Variants in COL11A1 observed in about 807,000 individuals in gnomAD.
COL11A1 encodes the protein collagen alpha-1(XI) chain.
In COL11A1, 74 loss-of-function variants were observed where a neutral mutation model predicts 265.2. The ratio of observed to expected loss-of-function variants is 0.28; its 90% CI spans 0.23 to 0.34. The LOEUF (loss-of-function observed/expected upper bound fraction) is 0.34, where lower values mean the gene tolerates loss of function less well. COL11A1 is among the 10% of genes least tolerant of loss of function. COL11A1 has a pLI of 1.00. For synonymous variants in COL11A1, 816 were observed against 727.6 expected, an observed-to-expected ratio of 1.12 and a Z score of -1.96; for missense variants, 2,165 against 2,263.6, an observed-to-expected ratio of 0.96 and a Z score of 0.88.
intron 41 of COL11A1, among the ~76,000 whole-genome samples, chr1:102,952,686 C>T (rs1207226422): frequency 1.3e-5 from 2 of 152,104 alleles, no homozygotes; most frequent in African/African-American, 2.4e-5. Context: ...ACTCTCAAAG[C>T]CTAGATGTTT....
chr1:102,898,587 CAT>C (rs1441673453), intron 56 of COL11A1, 77 bp downstream of exon 56: 5 of 1,047,610 alleles, frequency 4.8e-6, no homozygotes, highest in Middle Eastern at 2.9e-4. Context: ...ATAATGCTAA[CAT>C]AGACACCTTC....
chr1:102,897,440 A>G (rs963919080), intron 57 of COL11A1, among the ~76,000 whole-genome samples: 1 of 151,080 alleles, frequency 6.6e-6, no homozygotes, highest in Admixed American at 6.6e-5. Context: ...CATAAGAAAA[A>G]AAAATATATA....
In COL11A1 at chr1:102,898,107, T is replaced by C; in HGVS notation, c.4302+18A>G. On this transcript the variant is annotated intron_variant, in intron 57 of 66. Transcript: ENST00000370096. ...TAGAAATTCTCACTTTTTAAATGAC[T>C]GAAAAGATCTTACTCACCATAGGAC... The C allele has an allele frequency of 6.5e-7, 1 of 1,538,660 alleles. No individual in the cohort carries two copies. The highest frequency in any genetic ancestry group is 1.2e-5 in the South Asian group (1 of 83,054).
At chr1:103,049,418 C>A (rs1459649154) in intron 4 of COL11A1, among the ~76,000 whole-genome samples, 1 of 152,172 alleles carries the variant, frequency 6.6e-6, no homozygotes, top group Non-Finnish European at 1.5e-5. Flanking sequence ...ACTAGCATTG[C>A]AACCCCTGCC....
intron 4 of COL11A1, among the ~76,000 whole-genome samples, chr1:103,071,429 G>GA (rs71094602): frequency 2.3e-4 from 27 of 116,112 alleles, no homozygotes; most frequent in Non-Finnish European, 3.2e-4. Context: ...TATTTAGCAG[G>GA]AAAAAAAAAT....
chr1:103,024,918 G>A (rs1390643632), intron 7 of COL11A1, among the ~76,000 whole-genome samples: 1 of 152,000 alleles, frequency 6.6e-6, no homozygotes, highest in East Asian at 1.9e-4. Flanking sequence ...GAATGCATGT[G>A]AAATATGAAT....
chr1:102,967,017 T>C (rs1661459299), intron 37 of COL11A1, among the ~76,000 whole-genome samples: 1 of 152,076 alleles, frequency 6.6e-6, no homozygotes, highest in South Asian at 2.1e-4. Context: ...AGACTTTTCT[T>C]CAGTGCCCAT....
At chr1:102,936,392 G>A (rs143271817) in intron 44 of COL11A1, among the ~76,000 whole-genome samples, 4,503 of 152,148 alleles carry the variant, frequency 0.03, 100 homozygotes, top group Middle Eastern at 0.082. Context: ...AATAATAAAT[G>A]TGATTATAAA....
intron 47 of COL11A1, 126 bp downstream of exon 47, chr1:102,923,210 A>T: frequency 1.3e-6 from 1 of 751,786 alleles, no homozygotes; most frequent in Non-Finnish European, 2.2e-6. Flanking sequence ...TAACTAAATC[A>T]TGTCAGTTGC....
At chr1:102,952,147 G>A (rs969243173) in intron 41 of COL11A1, among the ~76,000 whole-genome samples, 2 of 152,036 alleles carry the variant, frequency 1.3e-5, no homozygotes, top group Admixed American at 6.6e-5. Context: ...TCACCAGGCT[G>A]AAGTGCAGTG....
intron 41 of COL11A1, among the ~76,000 whole-genome samples, chr1:102,950,914 G>C (rs2061709): frequency 0.94 from 142,447 of 152,158 alleles, 66,988 homozygotes; most frequent in East Asian, 1. Flanking sequence ...AGTTCTTATG[G>C]GATCTGATGG....
chr1:102,881,905 G>T, intron 64 of COL11A1, 140 bp from the exon 65 acceptor site: 2 of 681,690 alleles, frequency 2.9e-6, no homozygotes, highest in Non-Finnish European at 5.0e-6. Context: ...ACACAAATTA[G>T]ATTATACAAA....
At chr1:103,086,111 C>A (rs1000651882) in intron 1 of COL11A1, among the ~76,000 whole-genome samples, 8 of 152,264 alleles carry the variant, frequency 5.3e-5, no homozygotes, top group Non-Finnish European at 1.2e-4. Context: ...CTAATTGATT[C>A]CTGATGTTCA....
intron 35 of COL11A1, among the ~76,000 whole-genome samples, chr1:102,975,603 A>G (rs1259136117): frequency 2.0e-5 from 3 of 152,164 alleles, no homozygotes; most frequent in Non-Finnish European, 4.4e-5. Flanking sequence ...AAAAGTGCAT[A>G]AAGTCCCATT....
At chr1:103,018,922 G>GT in intron 9 of COL11A1, 63 bp from the exon 10 acceptor site, 3 of 1,232,286 alleles carry the variant, frequency 2.4e-6, no homozygotes, top group Non-Finnish European at 3.6e-6. Context: ...TTAATTACAT[G>GT]AATATAAGAG....
Position 103,008,521 on chromosome 1 carries a change from A to G in COL11A1, c.1630-5T>C. The stretch of plus-strand genomic sequence containing the variant: ...CCCAGATGAACCAGGCCCCCCCTAT[A>G]GAGAAAAAGTGAAGATATTTCACTT... On this transcript the variant is annotated splice_region_variant and splice_polypyrimidine_tract_variant and intron_variant, in intron 14 of 66. Transcript: ENST00000370096. 6.2e-7 allele frequency: 1 copy of G among 1,613,404 alleles called. No individual in the cohort carries two copies. The highest frequency in any genetic ancestry group is 1.1e-5 in the South Asian group (1 of 91,042).
intron 64 of COL11A1, 35 bp downstream of exon 64, chr1:102,883,164 G>C: frequency 7.3e-7 from 1 of 1,373,398 alleles, no homozygotes. Flanking sequence ...GGCAGGAACT[G>C]TCAACATTCA....
intron 41 of COL11A1, among the ~76,000 whole-genome samples, chr1:102,952,191 C>T (rs1443884714): frequency 6.6e-6 from 1 of 152,012 alleles, no homozygotes; most frequent in Admixed American, 6.6e-5. Flanking sequence ...CTCCACCTCC[C>T]AGGTTCAAAC....
At chr1:102,992,929 G>C (rs1045938369) in intron 28 of COL11A1, among the ~76,000 whole-genome samples, 1 of 151,976 alleles carries the variant, frequency 6.6e-6, no homozygotes, top group African/African-American at 2.4e-5. Flanking sequence ...AAAACAATGA[G>C]CAATTGTTAA....
Sources: gnomAD v4.1 joint callset for allele counts (sites outside exome capture counted in the v4.1 genomes callset) on GRCh38, gnomAD v4.1.1 for gene constraint, MANE v1.5 for transcripts, NCBI Gene and HGNC (gene_info 2026-07-23, HGNC 2026-07-21) for gene names.